Variants in MYO1D observed in about 807,000 individuals in gnomAD.
MYO1D encodes myosin ID.
In MYO1D, 83 loss-of-function variants were observed where a neutral mutation model predicts 122.0. The observed-to-expected ratio is 0.68, with a 90% CI of 0.57 to 0.82. The LOEUF (loss-of-function observed/expected upper bound fraction) is 0.82. Among genes scored for constraint, MYO1D ranks in the 40% least tolerant of loss-of-function variants. The probability of loss-of-function intolerance (pLI) is 0.00; values close to 1 mark genes in which losing one functional copy is unlikely to be tolerated. For synonymous variants in MYO1D, 464 were observed against 446.9 expected (o/e 1.04, Z -0.48); for missense variants, 1,157 against 1,269.5 (o/e 0.91, Z 1.35).
intron 14 of MYO1D, among the ~76,000 whole-genome samples, chr17:32,733,337 G>C (rs2089662145): frequency 6.6e-6 from 1 of 152,198 alleles, no homozygotes; most frequent in African/African-American, 2.4e-5. Flanking sequence ...CAGATGCCTG[G>C]GGCAATTATA....
At chr17:32,808,562 G>C (rs1337562857) in intron 1 of MYO1D, among the ~76,000 whole-genome samples, 1 of 151,968 alleles carries the variant, frequency 6.6e-6, no homozygotes, top group African/African-American at 2.4e-5. Context: ...TGGAATATTT[G>C]TGTCCCACCC....
At chr17:32,578,934 C>G (rs1467484736) in intron 21 of MYO1D, among the ~76,000 whole-genome samples, 1 of 152,202 alleles carries the variant, frequency 6.6e-6, no homozygotes, top group African/African-American at 2.4e-5. Context: ...CTTCAAGTTC[C>G]TTGACAATCT....
chr17:32,870,589 T>C (rs1028918002), intron 1 of MYO1D, among the ~76,000 whole-genome samples: 2 of 128,846 alleles, frequency 1.6e-5, no homozygotes, highest in Admixed American at 8.8e-5. Context: ...TTTGAGAAGA[T>C]TGTCTGCTAA....
chr17:32,497,500 AGTT>A (rs952613782), intron 21 of MYO1D: 1 of 152,146 alleles, frequency 6.6e-6, no homozygotes, highest in African/African-American at 2.4e-5. Context: ...ATCCTCAGGG[AGTT>A]GTTGTAGAAT....
intron 20 of MYO1D, among the ~76,000 whole-genome samples, chr17:32,611,754 A>G (rs321166): frequency 0.65 from 98,960 of 152,114 alleles, 32,992 homozygotes; most frequent in African/African-American, 0.77. Flanking sequence ...CAGGAGAATC[A>G]CTTGTATCTG....
chr17:32,836,313 T>C (rs2090822856), intron 1 of MYO1D, among the ~76,000 whole-genome samples: 1 of 152,194 alleles, frequency 6.6e-6, no homozygotes, highest in Non-Finnish European at 1.5e-5. Flanking sequence ...CTCAAGGCCA[T>C]GTGTTATTTT....
At chr17:32,543,090 G>A (rs1910892700) in intron 21 of MYO1D, among the ~76,000 whole-genome samples, 1 of 151,214 alleles carries the variant, frequency 6.6e-6, no homozygotes, top group South Asian at 2.1e-4. Flanking sequence ...GCCAGGCATG[G>A]TGGCGGGCGC....
chr17:32,550,367 C>T (rs917999460), intron 21 of MYO1D, among the ~76,000 whole-genome samples: 1 of 152,094 alleles, frequency 6.6e-6, no homozygotes, highest in Non-Finnish European at 1.5e-5. Context: ...CCCAAAGTGC[C>T]GGGATTACTG....
chr17:32,697,700 T>A (rs2089190965), intron 16 of MYO1D, among the ~76,000 whole-genome samples: 1 of 152,186 alleles, frequency 6.6e-6, no homozygotes, highest in Non-Finnish European at 1.5e-5. Context: ...CAAGAGCTGA[T>A]TCATACATCA....
At chr17:32,688,339 C>T (rs1273332334) in intron 16 of MYO1D, among the ~76,000 whole-genome samples, 1 of 152,182 alleles carries the variant, frequency 6.6e-6, no homozygotes, top group Non-Finnish European at 1.5e-5. Context: ...TATTGTTTTA[C>T]AGACAAATGA....
intron 20 of MYO1D, 93 bp from the exon 21 acceptor site, chr17:32,605,334 C>T (rs1480378153): frequency 8.3e-7 from 1 of 1,206,216 alleles, no homozygotes. Context: ...GTGGCATGTG[C>T]CTGTAGTCCC....
rs192904815 is a variant in MYO1D at position 32,758,934 on chromosome 17, C to T, written c.1296+1356G>A. Among the ~76,000 whole-genome samples the T allele has an allele frequency of 2.5e-3, 375 of 152,220 alleles. 4 individuals carry two copies. The highest frequency in any genetic ancestry group is 7.3e-3 in the African/African-American group (305 of 41,560). ...ATGTTTGGAACAGTCCACTGCATTA[C>T]TTACCCTGTTGTCAATTATGTCTGT... On this transcript the variant is annotated intron_variant, in intron 10 of 21. Coordinates refer to ENST00000318217, the MANE Select transcript of MYO1D (RefSeq NM_015194.3).
At chr17:32,584,093 C>T (rs1374800468) in intron 21 of MYO1D, among the ~76,000 whole-genome samples, 1 of 152,062 alleles carries the variant, frequency 6.6e-6, no homozygotes, top group Non-Finnish European at 1.5e-5. Flanking sequence ...GGTGAGCCAC[C>T]ATGTCCAGCT....
intron 20 of MYO1D, among the ~76,000 whole-genome samples, chr17:32,606,877 C>T (rs755619395): frequency 6.6e-6 from 1 of 152,096 alleles, no homozygotes; most frequent in Non-Finnish European, 1.5e-5. Flanking sequence ...AATTAAAAAG[C>T]GGCTGGGTGT....
At chr17:32,727,107 T>C (rs17183176) in intron 14 of MYO1D, among the ~76,000 whole-genome samples, 21,708 of 152,198 alleles carry the variant, frequency 0.14, 1,990 homozygotes, top group Middle Eastern at 0.28. Context: ...GAGTATGATC[T>C]TAGGTCTAAC....
chr17:32,865,659 A>C (rs2091117238), intron 1 of MYO1D, among the ~76,000 whole-genome samples: 1 of 152,198 alleles, frequency 6.6e-6, no homozygotes, highest in Non-Finnish European at 1.5e-5. Flanking sequence ...TAATGCTTTA[A>C]TCTCATTAAA....
At chr17:32,693,245 T>C (rs370625321) in intron 16 of MYO1D, among the ~76,000 whole-genome samples, 7 of 152,338 alleles carry the variant, frequency 4.6e-5, no homozygotes, top group African/African-American at 1.7e-4. Flanking sequence ...GAAATGAATA[T>C]GTAGCCATTT....
At chr17:32,793,963 G>A (rs2090386686) in intron 1 of MYO1D, among the ~76,000 whole-genome samples, 1 of 152,320 alleles carries the variant, frequency 6.6e-6, no homozygotes, top group South Asian at 2.1e-4. Flanking sequence ...TTTATTATGA[G>A]CAATAGCAGA....
chr17:32,610,516 G>C (rs1450051528), intron 20 of MYO1D, among the ~76,000 whole-genome samples: 2 of 152,126 alleles, frequency 1.3e-5, no homozygotes, highest in African/African-American at 4.8e-5. Flanking sequence ...GATGACCTGG[G>C]TGTTAATCCC....
Sources: gnomAD v4.1 joint callset for allele counts (sites outside exome capture counted in the v4.1 genomes callset) on GRCh38, gnomAD v4.1.1 for gene constraint, MANE v1.5 for transcripts, NCBI Gene and HGNC (gene_info 2026-07-23, HGNC 2026-07-21) for gene names.